The following WAPL variants were observed in gnomAD, a reference collection of about 807,000 sequenced individuals.
WAPL encodes the protein wings apart-like protein homolog.
Under a neutral mutation model 121.0 loss-of-function variants are expected in WAPL, and 5 were observed. The observed-to-expected ratio is 0.04, with a 90% CI of 0.02 to 0.09. WAPL has a LOEUF of 0.09. WAPL is among the 10% of genes least tolerant of loss of function. WAPL has a pLI of 1.00. For missense variants in WAPL, 999 were observed against 1,410.8 expected, an observed-to-expected ratio of 0.71 and a Z score of 4.68; for synonymous variants, 480 against 481.5, an observed-to-expected ratio of 1.00 and a Z score of 0.04.
chr10:86,521,431 G>GGCGGGCGCGGAACCCTCGC lies in WAPL; in HGVS notation c.-108_-90dup, dbSNP rs1842674521. 1 of 309,176 alleles carries GGCGGGCGCGGAACCCTCGC rather than the reference G, an allele frequency of 3.2e-6. No homozygotes were observed. The highest frequency in any genetic ancestry group is 2.4e-5 in the African/African-American group (1 of 42,314). 19.2% of individuals were successfully genotyped at this position (309,176 alleles called of 1,614,324 possible). A position where few individuals can be genotyped will look rare whatever the true frequency, so the allele number is the denominator to read the frequency against. ...CCTCTCCCGCTCCCTACGGCCCGCG[G>GGCGGGCGCGGAACCCTCGC]GCGGGCGCGGAACCCTCGCGCGGGA... is the stretch of plus-strand genomic sequence containing the variant. On this transcript the variant is annotated 5_prime_UTR_variant, in exon 1 of 19. Transcript: ENST00000298767.
chr10:86,500,793 G>A, intron 2 of WAPL, 50 bp from the exon 3 acceptor site: 1 of 1,405,836 alleles, frequency 7.1e-7, no homozygotes, highest in South Asian at 1.4e-5. Flanking sequence ...CAACATAAAA[G>A]TTAATAAATA....
Position 86,499,776 on chromosome 10 carries a change from C to T in WAPL, c.1467G>A (p.Gln489=). 6.2e-7 allele frequency: 1 copy of T among 1,607,388 alleles called. No homozygotes were observed. Among genetic ancestry groups the T allele is most frequent in the Non-Finnish European group, 8.5e-7 (1 of 1,177,988 alleles). The change falls in exon 3 of 19, where the codon CAG becomes CAA. Residue 489 remains glutamine (Q), a synonymous_variant. Transcript: ENST00000298767. ...AATTATCATTGCTTTCTGGGGGAGG[C>T]TGCAAGGAGGGTGATGGAGCTGTTT... ...RTKTAPSPSL[Q]PPPESNDNSQ...
intron 2 of WAPL, among the ~76,000 whole-genome samples, chr10:86,516,450 T>C (rs1842558012): frequency 1.3e-5 from 2 of 152,202 alleles, no homozygotes; most frequent in African/African-American, 4.8e-5. Context: ...TACAGCCAAG[T>C]TTTGTCTGTG....
intron 2 of WAPL, among the ~76,000 whole-genome samples, chr10:86,502,854 T>C (rs1022351015): frequency 6.6e-6 from 1 of 152,212 alleles, no homozygotes; most frequent in Admixed American, 6.5e-5. Flanking sequence ...CGTCTAGTGG[T>C]GGCTGCTAAA....
chr10:86,470,599 G>A (rs952229965), intron 8 of WAPL, among the ~76,000 whole-genome samples: 3 of 152,004 alleles, frequency 2.0e-5, no homozygotes, highest in African/African-American at 4.8e-5. Flanking sequence ...GGACAAAAAC[G>A]TTTCTAAAAA....
Position 86,497,250 on chromosome 10 carries a change from CCTT to C in WAPL, c.1592_1594del (p.Gln531_Gly532delinsArg), listed in dbSNP as rs755219893. ...TCTGGTATTTTCCTTTGATTTATCT[CCTT>C]GTTTATTTATGGGCTTCTTCACACT... On this transcript the variant is annotated inframe_deletion, in exon 4 of 19. Transcript: ENST00000298767. The C allele has an allele frequency of 7.4e-6, 12 of 1,613,388 alleles. No homozygotes were observed. In the Admixed American group the frequency reaches 1.2e-4, roughly 16 times the overall value.
At chr10:86,506,043 G>A (rs1054359590) in intron 2 of WAPL, among the ~76,000 whole-genome samples, 3 of 152,236 alleles carry the variant, frequency 2.0e-5, no homozygotes, top group Admixed American at 1.3e-4. Context: ...GACTACTTGA[G>A]CTCAGGAGTT....
intron 12 of WAPL, among the ~76,000 whole-genome samples, chr10:86,456,840 T>A (rs1192632201): frequency 1.3e-5 from 2 of 152,218 alleles, no homozygotes; most frequent in Admixed American, 6.5e-5. Context: ...TGTTATTTAA[T>A]CTTTCTGTAT....
At chr10:86,502,268 A>G (rs1252627270) in intron 2 of WAPL, among the ~76,000 whole-genome samples, 2 of 152,200 alleles carry the variant, frequency 1.3e-5, no homozygotes, top group Non-Finnish European at 2.9e-5. Flanking sequence ...TGTTAAAAAG[A>G]ATGAGGCAGC....
chr10:86,489,595 G>T (rs957322471), intron 4 of WAPL, among the ~76,000 whole-genome samples: 1 of 152,280 alleles, frequency 6.6e-6, no homozygotes, highest in East Asian at 1.9e-4. Context: ...AGGCAAGAGG[G>T]GGGTGCTATT....
chr10:86,493,085 C>G (rs1426660089), intron 4 of WAPL, among the ~76,000 whole-genome samples: 2 of 150,590 alleles, frequency 1.3e-5, no homozygotes, highest in African/African-American at 4.9e-5. Context: ...AATTCAGGAC[C>G]AAGGGGAATT....
chr10:86,478,427 G>T (rs1248366062), intron 4 of WAPL, among the ~76,000 whole-genome samples: 1 of 151,450 alleles, frequency 6.6e-6, no homozygotes, highest in East Asian at 1.9e-4. Context: ...GCGAGATCCT[G>T]TCTCCAAAAA....
At chr10:86,473,772 C>T in intron 5 of WAPL, 106 bp downstream of exon 5, 1 of 864,860 alleles carries the variant, frequency 1.2e-6, no homozygotes, top group South Asian at 1.9e-5. Context: ...CCAAAATAAA[C>T]TGTTAAATAG....
At chr10:86,458,559 A>T (rs1195416846) in intron 12 of WAPL, among the ~76,000 whole-genome samples, 1 of 152,232 alleles carries the variant, frequency 6.6e-6, no homozygotes, top group Non-Finnish European at 1.5e-5. Context: ...ACTCATTAAT[A>T]TGTATCACAA....
At chr10:86,457,421 G>A (rs1564566896) in intron 12 of WAPL, among the ~76,000 whole-genome samples, 1 of 151,764 alleles carries the variant, frequency 6.6e-6, no homozygotes, top group African/African-American at 2.4e-5. Flanking sequence ...GGGAGGCCAA[G>A]GCGGGTGGAT....
chr10:86,447,524 C>T (rs151158357), intron 15 of WAPL, among the ~76,000 whole-genome samples: 137 of 151,968 alleles, frequency 9.0e-4, no homozygotes, highest in Non-Finnish European at 1.8e-3. Flanking sequence ...TAAGGAAATA[C>T]CAAAAACATC....
intron 15 of WAPL, among the ~76,000 whole-genome samples, chr10:86,447,314 G>A (rs1849646983): frequency 1.3e-5 from 2 of 152,222 alleles, no homozygotes; most frequent in Non-Finnish European, 2.9e-5. Context: ...AGATAAAAAT[G>A]TATTAGAAGA....
intron 17 of WAPL, among the ~76,000 whole-genome samples, chr10:86,440,169 G>A (rs1041690191): frequency 2.0e-5 from 3 of 152,162 alleles, no homozygotes; most frequent in African/African-American, 7.2e-5. Context: ...TAAATCATAT[G>A]TGGTAATAAC....
intron 4 of WAPL, among the ~76,000 whole-genome samples, chr10:86,489,912 T>TA (rs1842007429): frequency 6.7e-6 from 1 of 148,654 alleles, no homozygotes; most frequent in Non-Finnish European, 1.5e-5. Flanking sequence ...GCTACTACGT[T>TA]AAGACACAGC....
Sources: gnomAD v4.1 joint callset for allele counts (sites outside exome capture counted in the v4.1 genomes callset) on GRCh38, gnomAD v4.1.1 for gene constraint, MANE v1.5 for transcripts, NCBI Gene and HGNC (gene_info 2026-07-23, HGNC 2026-07-21) for gene names.